The following CCDC85A variants were observed in gnomAD, a reference collection of about 807,000 sequenced individuals.
CCDC85A encodes coiled-coil domain containing 85A.
A neutral mutation model predicts 50.2 loss-of-function variants in CCDC85A; 38 were observed. That is an observed-to-expected ratio of 0.76 (90% confidence interval 0.58 to 0.99). CCDC85A has a LOEUF of 0.99. Ranked by LOEUF, CCDC85A falls within the 50% of genes least tolerant of loss-of-function variation. CCDC85A has a pLI of 0.00. For missense variants in CCDC85A, 820 were observed against 742.0 expected (o/e 1.11, Z -1.22); for synonymous variants, 366 against 301.4 (o/e 1.21, Z -2.22).
intron 2 of CCDC85A, among the ~76,000 whole-genome samples, chr2:56,196,336 A>G (rs1428464482): frequency 6.6e-6 from 1 of 152,242 alleles, no homozygotes; most frequent in African/African-American, 2.4e-5. Flanking sequence ...AGTAGATTCA[A>G]CACTTACCAC....
intron 2 of CCDC85A, among the ~76,000 whole-genome samples, chr2:56,324,868 T>C (rs1246096473): frequency 6.6e-6 from 1 of 152,106 alleles, no homozygotes; most frequent in Non-Finnish European, 1.5e-5. Flanking sequence ...CAAACATGAA[T>C]AAATCACAGT....
chr2:56,202,551 A>G (rs1676788764), intron 2 of CCDC85A, among the ~76,000 whole-genome samples: 1 of 152,168 alleles, frequency 6.6e-6, no homozygotes, highest in African/African-American at 2.4e-5. Context: ...AGGGAAAGAG[A>G]CCAGGAGCAA....
At chr2:56,199,309 A>G (rs980961790) in intron 2 of CCDC85A, among the ~76,000 whole-genome samples, 1 of 152,214 alleles carries the variant, frequency 6.6e-6, no homozygotes, top group African/African-American at 2.4e-5. Context: ...ATGATAGATT[A>G]TTCTGGAGGC....
chr2:56,238,268 T>A (rs1669107656), intron 2 of CCDC85A, among the ~76,000 whole-genome samples: 1 of 151,970 alleles, frequency 6.6e-6, no homozygotes, highest in South Asian at 2.1e-4. Context: ...ATACAAAAAA[T>A]TAGCTAGGCA....
At chr2:56,239,059 A>G (rs183420545) in intron 2 of CCDC85A, among the ~76,000 whole-genome samples, 404 of 152,258 alleles carry the variant, frequency 2.7e-3, no homozygotes, top group African/African-American at 9.2e-3. Context: ...AGAAGCTTGA[A>G]AAGAGAAGAC....
chr2:56,304,000 T>C (rs115127351), intron 2 of CCDC85A, among the ~76,000 whole-genome samples: 83 of 152,276 alleles, frequency 5.5e-4, no homozygotes, highest in Middle Eastern at 3.4e-3. Context: ...TGGAACAAAA[T>C]GATGGAAGAG....
intron 2 of CCDC85A, among the ~76,000 whole-genome samples, chr2:56,331,646 G>T (rs1318872507): frequency 1.3e-5 from 2 of 151,966 alleles, no homozygotes; most frequent in Non-Finnish European, 2.9e-5. Context: ...TTTCTAAATT[G>T]ATTTATATGC....
At chr2:56,318,605 C>T (rs1336169844) in intron 2 of CCDC85A, among the ~76,000 whole-genome samples, 1 of 151,910 alleles carries the variant, frequency 6.6e-6, no homozygotes, top group Non-Finnish European at 1.5e-5. Flanking sequence ...CATAAATATA[C>T]TGTTTATTGA....
chr2:56,246,840 T>C (rs1209494743), intron 2 of CCDC85A, among the ~76,000 whole-genome samples: 1 of 151,508 alleles, frequency 6.6e-6, no homozygotes, highest in African/African-American at 2.4e-5. Flanking sequence ...GATAGGTTTC[T>C]ACCCTGTTTC....
At chr2:56,257,075 G>A (rs1474829071) in intron 2 of CCDC85A, among the ~76,000 whole-genome samples, 1 of 152,178 alleles carries the variant, frequency 6.6e-6, no homozygotes, top group Non-Finnish European at 1.5e-5. Flanking sequence ...ATGGCTCAGT[G>A]TATGATAGAC....
At chr2:56,215,345 A>G (rs1233548645) in intron 2 of CCDC85A, among the ~76,000 whole-genome samples, 3 of 151,872 alleles carry the variant, frequency 2.0e-5, no homozygotes, top group Admixed American at 6.6e-5. Flanking sequence ...CAGTAAAGAT[A>G]GTGTTATTTC....
intron 2 of CCDC85A, among the ~76,000 whole-genome samples, chr2:56,290,999 C>A (rs1272195898): frequency 3.3e-5 from 5 of 152,192 alleles, no homozygotes; most frequent in African/African-American, 1.2e-4. Flanking sequence ...TTTGCAGATT[C>A]ATTTGACCAT....
intron 2 of CCDC85A, among the ~76,000 whole-genome samples, chr2:56,288,326 G>T (rs377258237): frequency 2.7e-5 from 4 of 148,442 alleles, no homozygotes; most frequent in East Asian, 3.9e-4. Context: ...TTAGCATCAA[G>T]ATAAAAAGGA....
Position 56,265,927 on chromosome 2 carries a change from T to A in CCDC85A, c.1240+72487T>A, listed in dbSNP as rs142283507. 2.6e-3 allele frequency among the ~76,000 whole-genome samples: 401 copies of A among 152,332 alleles called. 2 individuals are homozygous for A. The highest frequency in any genetic ancestry group is 4.3e-3 in the Non-Finnish European group (295 of 68,022). On this transcript the variant is annotated intron_variant, in intron 2 of 5. Coordinates refer to ENST00000407595, the MANE Select transcript of CCDC85A (RefSeq NM_001080433.2). The stretch of plus-strand genomic sequence containing the variant: ...ACAGTAGATGAGTTAATTTTAAAAA[T>A]GTAGAATATATACACAATGGCATAC...
At chr2:56,292,416 A>G (rs781144137) in intron 2 of CCDC85A, among the ~76,000 whole-genome samples, 5 of 152,280 alleles carry the variant, frequency 3.3e-5, no homozygotes, top group Admixed American at 2.0e-4. Context: ...TTGATAAAGG[A>G]TACACATTTT....
At chr2:56,211,845 T>C (rs1677192285) in intron 2 of CCDC85A, among the ~76,000 whole-genome samples, 2 of 152,158 alleles carry the variant, frequency 1.3e-5, no homozygotes, top group African/African-American at 2.4e-5. Flanking sequence ...TACCTTGATG[T>C]TCTCCTCATC....
At chr2:56,369,107 C>G (rs1054029128) in intron 3 of CCDC85A, among the ~76,000 whole-genome samples, 22 of 152,054 alleles carry the variant, frequency 1.4e-4, no homozygotes, top group African/African-American at 4.6e-4. Context: ...TTGGACATTT[C>G]TTAGTGTTTT....
intron 2 of CCDC85A, among the ~76,000 whole-genome samples, chr2:56,301,259 A>T (rs1297914344): frequency 6.6e-6 from 1 of 152,052 alleles, no homozygotes; most frequent in Non-Finnish European, 1.5e-5. Context: ...TCTGTGTGTA[A>T]ATGTGTGGTG....
At chr2:56,244,237 C>T (rs893049747) in intron 2 of CCDC85A, among the ~76,000 whole-genome samples, 23 of 152,098 alleles carry the variant, frequency 1.5e-4, no homozygotes, top group African/African-American at 5.6e-4. Context: ...TAGAAATCTA[C>T]CTGGTGCTCT....
Sources: gnomAD v4.1 joint callset for allele counts (sites outside exome capture counted in the v4.1 genomes callset) on GRCh38, gnomAD v4.1.1 for gene constraint, MANE v1.5 for transcripts, NCBI Gene and HGNC (gene_info 2026-07-23, HGNC 2026-07-21) for gene names.